FAT3: variants seen among roughly 807,000 people sequenced by gnomAD.
FAT3 encodes the protein FAT atypical cadherin 3.
FAT3 carries 95 observed loss-of-function variants against 310.2 expected under a neutral mutation model. The ratio of observed to expected loss-of-function variants is 0.31; its 90% CI spans 0.26 to 0.36. The LOEUF (loss-of-function observed/expected upper bound fraction) is 0.36. Ranked by LOEUF, FAT3 falls within the 10% of genes least tolerant of loss-of-function variation. The pLI, the probability that FAT3 is intolerant of heterozygous loss-of-function variation, is 1.00. For synonymous variants in FAT3, 2,314 were observed against 2,192.9 expected (o/e 1.06, Z -1.54); for missense variants, 5,408 against 5,715.6 (o/e 0.95, Z 1.74).
chr11:92,336,005 G>A, intron 1 of FAT3: 1 of 466,086 alleles, frequency 2.1e-6, no homozygotes, highest in South Asian at 1.7e-5. Context: ...GGAAGGTGGT[G>A]CTTCTTGAGC....
At chr11:92,429,151 T>C (rs1380891084) in intron 2 of FAT3, among the ~76,000 whole-genome samples, 2 of 152,188 alleles carry the variant, frequency 1.3e-5, no homozygotes, top group Non-Finnish European at 2.9e-5. Context: ...TTTGTCCTTT[T>C]TTATCTTTGC....
intron 2 of FAT3, among the ~76,000 whole-genome samples, chr11:92,436,092 T>C (rs912070207): frequency 6.6e-6 from 1 of 152,120 alleles, no homozygotes; most frequent in African/African-American, 2.4e-5. Flanking sequence ...CTCTTTAGGT[T>C]GTTTTTTATT....
intron 1 of FAT3, among the ~76,000 whole-genome samples, chr11:92,344,014 A>T (rs1224994154): frequency 6.6e-6 from 1 of 152,152 alleles, no homozygotes; most frequent in African/African-American, 2.4e-5. Flanking sequence ...GATCAAATAG[A>T]TTTTTGAAAT....
At chr11:92,480,767 C>T (rs1437299454) in intron 2 of FAT3, among the ~76,000 whole-genome samples, 3 of 152,118 alleles carry the variant, frequency 2.0e-5, no homozygotes, top group Non-Finnish European at 1.5e-5. Context: ...TGTCCAGTTG[C>T]TGATTTTGGC....
intron 1 of FAT3, among the ~76,000 whole-genome samples, chr11:92,318,062 T>G (rs1169275604): frequency 6.6e-6 from 1 of 152,182 alleles, no homozygotes; most frequent in Non-Finnish European, 1.5e-5. Flanking sequence ...GTAAAGTACT[T>G]CGTAAAGTAT....
chr11:92,413,427 C>T (rs1457477048), intron 2 of FAT3, among the ~76,000 whole-genome samples: 1 of 152,188 alleles, frequency 6.6e-6, no homozygotes, highest in Non-Finnish European at 1.5e-5. Flanking sequence ...TTTTAATCAT[C>T]ATGATCATTT....
chr11:92,257,065 T>G (rs955317885), intron 1 of FAT3, among the ~76,000 whole-genome samples: 1 of 151,450 alleles, frequency 6.6e-6, no homozygotes, highest in African/African-American at 2.4e-5. Flanking sequence ...GGTGTCAGCT[T>G]AAAAAAAAAT....
At chr11:92,357,550 T>C (rs1226524971) in intron 2 of FAT3, among the ~76,000 whole-genome samples, 2 of 152,204 alleles carry the variant, frequency 1.3e-5, no homozygotes, top group Non-Finnish European at 2.9e-5. Context: ...GCCCCATTGT[T>C]TATATGGCTC....
At chr11:92,285,448 G>T (rs1946537549) in intron 1 of FAT3, among the ~76,000 whole-genome samples, 1 of 152,314 alleles carries the variant, frequency 6.6e-6, no homozygotes, top group Non-Finnish European at 1.5e-5. Context: ...GTAGGAATGG[G>T]AAAGAGGATA....
intron 4 of FAT3, among the ~76,000 whole-genome samples, chr11:92,728,370 A>G (rs1945062588): frequency 6.6e-6 from 1 of 152,200 alleles, no homozygotes; most frequent in Non-Finnish European, 1.5e-5. Context: ...ATGTATCTAA[A>G]CAATATGTAA....
rs1949924917 is a variant in FAT3, at chr11:92,891,918, T to C, written c.*805T>C. 6.6e-6 allele frequency: 1 copy of C among 152,158 alleles called. No individual in the cohort carries two copies. Among genetic ancestry groups the C allele is most frequent in the African/African-American group, 2.4e-5 (1 of 41,424 alleles). 9.4% of individuals were successfully genotyped at this position (152,158 alleles called of 1,614,324 possible). A position where few individuals can be genotyped will look rare whatever the true frequency, so the allele number is the denominator to read the frequency against. On this transcript the variant is annotated 3_prime_UTR_variant, in exon 28 of 28. Coordinates refer to ENST00000525166, the MANE Select transcript of FAT3 (RefSeq NM_001367949.2). ...TCTGGTAAATATTCCAGTTGGTAAA[T>C]CTAACATTGCTACAGAAGTTGGCTT...
At chr11:92,316,340 G>T (rs1280243135) in intron 1 of FAT3, among the ~76,000 whole-genome samples, 2 of 152,134 alleles carry the variant, frequency 1.3e-5, no homozygotes, top group Non-Finnish European at 2.9e-5. Context: ...AAGATAACAT[G>T]CTTGTTGGCA....
At chr11:92,692,935 A>T (rs1462039463) in intron 3 of FAT3, among the ~76,000 whole-genome samples, 1 of 152,220 alleles carries the variant, frequency 6.6e-6, no homozygotes, top group Non-Finnish European at 1.5e-5. Context: ...GACCCAGGAC[A>T]CCCACAGGCA....
At chr11:92,782,505 G>A (rs113801794) in intron 7 of FAT3, among the ~76,000 whole-genome samples, 38 of 152,156 alleles carry the variant, frequency 2.5e-4, no homozygotes, top group African/African-American at 8.4e-4. Flanking sequence ...CTGGGAGGTC[G>A]AGGCTGCAGT....
At chr11:92,668,932 A>G (rs902851868) in intron 3 of FAT3, among the ~76,000 whole-genome samples, 2 of 152,148 alleles carry the variant, frequency 1.3e-5, no homozygotes, top group African/African-American at 4.8e-5. Context: ...TTTCTTAGGG[A>G]TTGGGTAAAA....
intron 1 of FAT3, among the ~76,000 whole-genome samples, chr11:92,274,904 CTT>C (rs936991547): frequency 3.3e-5 from 5 of 152,092 alleles, no homozygotes; most frequent in African/African-American, 1.2e-4. Flanking sequence ...ATTTTGGAAA[CTT>C]TTAGGTTCCT....
At chr11:92,285,716 C>G (rs1403952717) in intron 1 of FAT3, among the ~76,000 whole-genome samples, 1 of 152,254 alleles carries the variant, frequency 6.6e-6, no homozygotes, top group African/African-American at 2.4e-5. Flanking sequence ...GGTTCCCTTG[C>G]GCATGTCCTG....
rs1000214204 is a variant in FAT3, at chr11:92,547,754, C to T, written c.3607+22806C>T. 6.6e-5 allele frequency among the ~76,000 whole-genome samples: 10 copies of T among 152,118 alleles called. No homozygotes were observed. The East Asian group carries it at 7.7e-4, about 12-fold the overall frequency. ...CTTCTGCCCTGGGTAGTATGAGGCA[C>T]GGGCTGCCCTAGAGATAATGGATCA... is the stretch of plus-strand genomic sequence containing the variant. On this transcript the variant is annotated intron_variant, in intron 3 of 27. Coordinates refer to ENST00000525166, the MANE Select transcript of FAT3 (RefSeq NM_001367949.2).
intron 3 of FAT3, among the ~76,000 whole-genome samples, chr11:92,553,977 TGTATCTTTA>T (rs1954917309): frequency 6.6e-6 from 1 of 151,828 alleles, no homozygotes; most frequent in African/African-American, 2.4e-5. Context: ...GGATAATGTT[TGTATCTTTA>T]GTAGAGACGG....
Sources: gnomAD v4.1 joint callset for allele counts (sites outside exome capture counted in the v4.1 genomes callset) on GRCh38, gnomAD v4.1.1 for gene constraint, MANE v1.5 for transcripts, NCBI Gene and HGNC (gene_info 2026-07-23, HGNC 2026-07-21) for gene names.